SMC1B: variants seen among roughly 807,000 people sequenced by gnomAD.
SMC1B encodes the protein structural maintenance of chromosomes protein 1B.
SMC1B carries 60 observed loss-of-function variants against 157.9 expected under a neutral mutation model. The observed-to-expected ratio is 0.38, with a 90% confidence interval of 0.31 to 0.47. SMC1B has a LOEUF of 0.47. Among genes scored for constraint, SMC1B ranks in the 20% least tolerant of loss-of-function variants. SMC1B has a pLI of 0.99. For missense variants in SMC1B, 1,165 were observed against 1,426.2 expected, an observed-to-expected ratio of 0.82 and a Z score of 2.95; for synonymous variants, 445 against 483.0, an observed-to-expected ratio of 0.92 and a Z score of 1.03.
At chr22:45,373,072 C>T (rs1038094924) in intron 12 of SMC1B, among the ~76,000 whole-genome samples, 1 of 152,152 alleles carries the variant, frequency 6.6e-6, no homozygotes, top group African/African-American at 2.4e-5. Context: ...TCTGAATCTA[C>T]CTATAACTTG....
chr22:45,373,580 T>C (rs769507683), intron 12 of SMC1B, among the ~76,000 whole-genome samples: 2 of 152,224 alleles, frequency 1.3e-5, no homozygotes, highest in African/African-American at 2.4e-5. Context: ...GCAGTAAGGT[T>C]TGTTTTGGGA....
intron 1 of SMC1B, among the ~76,000 whole-genome samples, chr22:45,411,352 GTCTGAT>G (rs2087331260): frequency 6.6e-6 from 1 of 152,202 alleles, no homozygotes; most frequent in Admixed American, 6.5e-5. Context: ...GCCATATATT[GTCTGAT>G]TCTATTTATA....
At chr22:45,395,939 G>A (rs576747412) in intron 7 of SMC1B, among the ~76,000 whole-genome samples, 6 of 152,278 alleles carry the variant, frequency 3.9e-5, no homozygotes, top group Admixed American at 3.3e-4. Flanking sequence ...GGAGGGCCAG[G>A]GAAGGCTTTG....
At chr22:45,406,061 T>A (rs891888642) in intron 4 of SMC1B, among the ~76,000 whole-genome samples, 1 of 152,220 alleles carries the variant, frequency 6.6e-6, no homozygotes, top group Non-Finnish European at 1.5e-5. Flanking sequence ...CATTAAAATA[T>A]TTTTTAAATT....
chr22:45,389,939 G>T, intron 9 of SMC1B, 42 bp from the exon 10 acceptor site: 1 of 1,471,834 alleles, frequency 6.8e-7, no homozygotes, highest in Non-Finnish European at 9.4e-7. Flanking sequence ...AGATATATTA[G>T]AGTGAAATAT....
chr22:45,358,349 G>A (rs1023764039), intron 19 of SMC1B, among the ~76,000 whole-genome samples: 13 of 152,202 alleles, frequency 8.5e-5, no homozygotes, highest in Non-Finnish European at 1.8e-4. Context: ...GAGTCTGGGA[G>A]GCCTGGACTT....
chr22:45,400,824 T>C (rs113876177), intron 5 of SMC1B, among the ~76,000 whole-genome samples: 5 of 152,192 alleles, frequency 3.3e-5, no homozygotes, highest in African/African-American at 1.2e-4. Context: ...ACACTGACAC[T>C]CTGATAGAAT....
In SMC1B at chr22:45,399,258, T is replaced by C; in HGVS notation, c.950A>G (p.Lys317Arg). ...TTGTTTTTCGCTGTCCTTTATTGAT[T>C]TCTTAGCCACATCTAATTTCTTAAG... ...HHLKKLDVAK[K>R]SIKDSEKQCS... The change falls in exon 6 of 25, where the codon AAA becomes AGA. Residue 317 changes from lysine to arginine, a missense_variant. Physicochemically the swap from Lys to Arg is conservative, Grantham distance 26 (BLOSUM62 2). Transcript: ENST00000357450. The C allele has an allele frequency of 1.2e-6, 2 of 1,614,162 alleles. No homozygotes were observed. The highest frequency in any genetic ancestry group is 1.7e-6 in the Non-Finnish European group (2 of 1,179,988).
chr22:45,348,224 C>A (rs2146752042), intron 23 of SMC1B, among the ~76,000 whole-genome samples: 1 of 152,312 alleles, frequency 6.6e-6, no homozygotes, highest in Non-Finnish European at 1.5e-5. Context: ...GGATCATGCT[C>A]AAGTACAGTA....
chr22:45,348,967 G>A (rs895569238), intron 23 of SMC1B, among the ~76,000 whole-genome samples: 5 of 150,688 alleles, frequency 3.3e-5, no homozygotes, highest in African/African-American at 1.2e-4. Context: ...GCCTCCCGAA[G>A]TGCTGAGATT....
intron 9 of SMC1B, among the ~76,000 whole-genome samples, chr22:45,391,412 T>C (rs1397585803): frequency 2.0e-5 from 3 of 152,204 alleles, no homozygotes; most frequent in Non-Finnish European, 4.4e-5. Flanking sequence ...GTGCAAAACA[T>C]TTATGGGGAT....
At chr22:45,383,321 A>C in intron 12 of SMC1B, 146 bp downstream of exon 12, 1 of 546,090 alleles carries the variant, frequency 1.8e-6, no homozygotes, top group Non-Finnish European at 2.9e-6. Context: ...AGTAAGGGAA[A>C]GATTTTTATT....
chr22:45,406,645 A>C lies in SMC1B; in HGVS notation c.430T>G (p.Ser144Ala). The change falls in exon 4 of 25, where the codon TCA becomes GCA. Residue 144 changes from serine to alanine, a missense_variant. Transcript: ENST00000357450. ...GTCCTTTCTTTGGGTTTCTTCACTGAAATTGACTCTACAGTTCCCTTTTAA... is the reference window on the plus strand; with the variant it reads ...GTCCTTTCTTTGGGTTTCTTCACTGCAATTGACTCTACAGTTCCCTTTTAA... Reference protein sequence around the residue: ...LVFQGTVESISVKKPKERTQF... With the variant: ...LVFQGTVESIAVKKPKERTQF... 4.3e-6 allele frequency: 7 copies of C among 1,613,186 alleles called. No individual in the cohort carries two copies. The highest frequency in any genetic ancestry group is 5.9e-6 in the Non-Finnish European group (7 of 1,179,744).
chr22:45,409,258 T>C (rs2087299954), intron 1 of SMC1B, among the ~76,000 whole-genome samples: 1 of 152,126 alleles, frequency 6.6e-6, no homozygotes. Flanking sequence ...CAAATCCTCT[T>C]ATACTCTAAA....
In SMC1B at chr22:45,344,509, T is replaced by TA; in HGVS notation, c.*46dup. 1 of 1,350,436 alleles carries TA rather than the reference T, an allele frequency of 7.4e-7. No individual in the cohort carries two copies. Among genetic ancestry groups the TA allele is most frequent in the Non-Finnish European group, 1.1e-6 (1 of 941,220 alleles). The allele number at this position is 1,350,436 out of a possible 1,614,324, so 83.7% of individuals were successfully genotyped here. On this transcript the variant is annotated 3_prime_UTR_variant, in exon 25 of 25. Coordinates refer to ENST00000357450, the MANE Select transcript of SMC1B (RefSeq NM_148674.5). ...TCCTGTGGAGGAGCTGTGTGAGTAT[T>TA]AGAGTGGGAACTGAACAGTGATCAG...
At chr22:45,348,718 G>GTTTTTTTT (rs59086824) in intron 23 of SMC1B, among the ~76,000 whole-genome samples, 15 of 148,204 alleles carry the variant, frequency 1.0e-4, no homozygotes, top group Non-Finnish European at 1.5e-4. Context: ...CAAAAGGACT[G>GTTTTTTTT]TTTTTTTTGT....
chr22:45,365,401 T>C (rs764581438), intron 15 of SMC1B, among the ~76,000 whole-genome samples: 1 of 152,126 alleles, frequency 6.6e-6, no homozygotes, highest in Non-Finnish European at 1.5e-5. Context: ...AGATGTTAGA[T>C]CAATCTAAAA....
intron 12 of SMC1B, among the ~76,000 whole-genome samples, chr22:45,382,561 C>T (rs572080905): frequency 1.5e-4 from 23 of 152,280 alleles, no homozygotes; most frequent in Non-Finnish European, 2.9e-4. Flanking sequence ...TGACTACATA[C>T]ATTTGTCAAA....
intron 12 of SMC1B, 29 bp downstream of exon 12, chr22:45,383,438 A>G (rs1315668738): frequency 1.3e-6 from 2 of 1,551,984 alleles, no homozygotes; most frequent in South Asian, 1.2e-5. Flanking sequence ...TCTACTTAGT[A>G]TATTACAACT....
Sources: allele counts gnomAD v4.1 joint callset (sites outside exome capture counted in the v4.1 genomes callset), GRCh38; gene constraint gnomAD v4.1.1; transcripts MANE v1.5; gene names NCBI Gene and HGNC (gene_info 2026-07-23, HGNC 2026-07-21).